LEPR: variants seen among roughly 807,000 people sequenced by gnomAD.
LEPR encodes leptin receptor.
A neutral mutation model predicts 114.7 loss-of-function variants in LEPR; 56 were observed. The observed-to-expected ratio is 0.49, with a 90% confidence interval of 0.39 to 0.61. The LOEUF is 0.61. LEPR is among the 20% of genes least tolerant of loss of function. The pLI is 0.00. For missense variants in LEPR, 1,202 were observed against 1,352.9 expected (o/e 0.89, Z 1.75); for synonymous variants, 443 against 461.4 (o/e 0.96, Z 0.51).
Position 65,598,811 on chromosome 1 carries a change from T to C in LEPR, c.994+7T>C, listed in dbSNP as rs562804626. 1 of 1,613,154 alleles carries C rather than the reference T, an allele frequency of 6.2e-7. No homozygotes were observed. The highest frequency in any genetic ancestry group is 1.1e-5 in the South Asian group (1 of 91,068). On this transcript the variant is annotated splice_region_variant and intron_variant, in intron 8 of 19. Transcript: ENST00000349533. ...CGTGTCTTTACCACACAAGGTAGGTTATGTAATAGCCACTTCTACTGGGAG... is the reference window on the plus strand; with the variant it reads ...CGTGTCTTTACCACACAAGGTAGGTCATGTAATAGCCACTTCTACTGGGAG...
chr1:65,551,037 G>A (rs1399688446), intron 2 of LEPR, among the ~76,000 whole-genome samples: 1 of 152,100 alleles, frequency 6.6e-6, no homozygotes, highest in African/African-American at 2.4e-5. Flanking sequence ...TGTGTATGTT[G>A]AAGCAGCCTT....
At chr1:65,564,920 C>T (rs1653619323) in intron 2 of LEPR, among the ~76,000 whole-genome samples, 1 of 152,180 alleles carries the variant, frequency 6.6e-6, no homozygotes, top group Non-Finnish European at 1.5e-5. Flanking sequence ...GAGTAGAACT[C>T]ATAGGAAATC....
At chr1:65,485,130 T>G (rs746252806) in intron 2 of LEPR, among the ~76,000 whole-genome samples, 41 of 152,170 alleles carry the variant, frequency 2.7e-4, no homozygotes, top group Non-Finnish European at 2.4e-4. Context: ...TCCATGCCAC[T>G]CACTGTTTGA....
intron 19 of LEPR, among the ~76,000 whole-genome samples, chr1:65,625,730 T>C (rs190968543): frequency 6.6e-6 from 1 of 152,228 alleles, no homozygotes; most frequent in African/African-American, 2.4e-5. Flanking sequence ...AACTAGGTTT[T>C]GAGGCAGAGA....
rs1440331038 is a variant in LEPR, at chr1:65,620,005, A to G, written c.2473A>G (p.Ile825Val). Residue 825 changes from isoleucine (I) to valine (V), a missense_variant, in exon 17 of 20, where the codon ATT (isoleucine) becomes GTT (valine). Ile to Val is a conservative substitution (Grantham distance 29). Transcript: ENST00000349533. ...GGAAGGAGTGGGAAAACCAAAGATA[A>G]TTAATAGTTTCACTCAAGGTAAAAA... is the stretch of plus-strand genomic sequence containing the variant. Reference protein sequence around the residue: ...FMEGVGKPKIINSFTQDDIEK... With the variant: ...FMEGVGKPKIVNSFTQDDIEK... 4 of 1,610,746 alleles carry G rather than the reference A, an allele frequency of 2.5e-6. No individual in the cohort carries two copies. Among genetic ancestry groups the G allele is most frequent in the Admixed American group, 1.7e-5 (1 of 59,930 alleles).
chr1:65,572,200 A>G (rs1472466415), intron 4 of LEPR, 126 bp from the exon 5 acceptor site: 8 of 1,243,186 alleles, frequency 6.4e-6, no homozygotes, highest in Non-Finnish European at 7.5e-6. Context: ...CAGAATAGGC[A>G]ATGGAAGTTG....
At chr1:65,474,681 G>A (rs372972214) in intron 2 of LEPR, among the ~76,000 whole-genome samples, 1 of 152,086 alleles carries the variant, frequency 6.6e-6, no homozygotes, top group African/African-American at 2.4e-5. Flanking sequence ...GGAAGAAAGT[G>A]GATGGAGACT....
At chr1:65,472,411 A>AACAC (rs71721804) in intron 2 of LEPR, among the ~76,000 whole-genome samples, 4,462 of 133,270 alleles carry the variant, frequency 0.033, 132 homozygotes, top group South Asian at 0.1. Flanking sequence ...CTGTGGCTAA[A>AACAC]ACACACACAC....
chr1:65,486,119 A>T (rs1557618499), intron 2 of LEPR, among the ~76,000 whole-genome samples: 1 of 152,146 alleles, frequency 6.6e-6, no homozygotes, highest in Non-Finnish European at 1.5e-5. Flanking sequence ...GGAATCTACT[A>T]ACAGATAGTT....
intron 2 of LEPR, chr1:65,433,050 C>CGGGCAGGGAGGCT: frequency 1.0e-6 from 1 of 985,346 alleles, no homozygotes; most frequent in Non-Finnish European, 1.2e-6. Context: ...CACTGAGATG[C>CGGGCAGGGAGGCT]GGGCAGGGAG....
At chr1:65,459,272 G>T (rs779539414) in intron 2 of LEPR, among the ~76,000 whole-genome samples, 1 of 152,122 alleles carries the variant, frequency 6.6e-6, no homozygotes, top group Non-Finnish European at 1.5e-5. Context: ...GAAGCCAGCT[G>T]GGGTGCTACT....
chr1:65,434,329 A>T, intron 2 of LEPR: 1 of 985,004 alleles, frequency 1.0e-6, no homozygotes, highest in South Asian at 4.7e-5. Flanking sequence ...CTCTTTTTTT[A>T]TATATTGTAC....
rs929554445 is a variant in LEPR, at chr1:65,633,800, T to C, written c.2674-2391T>C. 1.0e-6 allele frequency: 1 copy of C among 985,702 alleles called. No individual in the cohort carries two copies. The highest frequency in any genetic ancestry group is 4.7e-5 in the South Asian group (1 of 21,294). 61.1% of individuals were successfully genotyped at this position (985,702 alleles called of 1,614,324 possible). A position where few individuals can be genotyped will look rare whatever the true frequency, so the allele number is the denominator to read the frequency against. ...TCAATATCCTTGAAAATGGCTTAAG[T>C]GATAACTTCCGTTTCAGTTAAAAGG... On this transcript the variant is annotated intron_variant, in intron 19 of 19. Transcript: ENST00000349533. This position sits in a 1 kb window ranked among gnomAD's most constrained non-coding sequence, Gnocchi z 4.1.
At chr1:65,516,618 T>C (rs1649300864) in intron 2 of LEPR, among the ~76,000 whole-genome samples, 1 of 152,172 alleles carries the variant, frequency 6.6e-6, no homozygotes, top group African/African-American at 2.4e-5. Context: ...ATGTAAAAGG[T>C]TTTCTCTTCT....
chr1:65,494,380 C>T (rs1648041318), intron 2 of LEPR, among the ~76,000 whole-genome samples: 1 of 152,102 alleles, frequency 6.6e-6, no homozygotes, highest in Non-Finnish European at 1.5e-5. Flanking sequence ...TCCTATATCT[C>T]CAAATGTTCT....
chr1:65,580,327 C>T (rs1310373729), intron 5 of LEPR, among the ~76,000 whole-genome samples: 1 of 152,162 alleles, frequency 6.6e-6, no homozygotes, highest in Non-Finnish European at 1.5e-5. Flanking sequence ...ATGGTGATTA[C>T]TATAGAAAAG....
At position 65,420,704 on chromosome 1, in the gene LEPR, C is replaced by T. The variant is rs1432194436; in HGVS notation, c.-133C>T. The T allele has an allele frequency of 2.5e-6, 4 of 1,578,428 alleles. No homozygotes were observed. The Admixed American group carries it at 5.7e-5, about 22-fold the overall frequency. On this transcript the variant is annotated 5_prime_UTR_variant, in exon 1 of 20. Transcript: ENST00000349533. ...GCCGTGGCAGGAAGCCGGAAGCAGC[C>T]GCGGCCCCAGTTCGGGAGACATGGC...
intron 2 of LEPR, among the ~76,000 whole-genome samples, chr1:65,538,468 C>T (rs1173615013): frequency 6.6e-6 from 1 of 152,012 alleles, no homozygotes; most frequent in Non-Finnish European, 1.5e-5. Flanking sequence ...TTGGTTTTCT[C>T]CTCATTTTGC....
At chr1:65,622,817 C>G (rs1437896849) in intron 18 of LEPR, 89 bp from the exon 19 acceptor site, 1 of 1,385,048 alleles carries the variant, frequency 7.2e-7, no homozygotes, top group Admixed American at 1.8e-5. Context: ...ATCTGGTGGA[C>G]TAATTTCTAG....
Sources: gnomAD v4.1 joint callset for allele counts (sites outside exome capture counted in the v4.1 genomes callset) on GRCh38, gnomAD v4.1.1 for gene constraint, Gnocchi (gnomAD v3.1) non-coding constraint, MANE v1.5 for transcripts, NCBI Gene and HGNC (gene_info 2026-07-23, HGNC 2026-07-21) for gene names.